Variants in POU6F2 observed in about 807,000 individuals in gnomAD.
POU6F2 encodes POU domain, class 6, transcription factor 2.
Under a neutral mutation model 71.3 loss-of-function variants are expected in POU6F2, and 31 were observed. That is an observed-to-expected ratio of 0.43 (90% CI 0.33 to 0.59). The LOEUF (loss-of-function observed/expected upper bound fraction) is 0.59, where lower values mean the gene tolerates loss of function less well. Among genes scored for constraint, POU6F2 ranks in the 20% least tolerant of loss-of-function variants. The pLI is 0.04. For missense variants in POU6F2, 783 were observed against 856.8 expected, an observed-to-expected ratio of 0.91 and a Z score of 1.07; for synonymous variants, 347 against 355.7, an observed-to-expected ratio of 0.98 and a Z score of 0.27.
intron 1 of POU6F2, among the ~76,000 whole-genome samples, chr7:38,994,649 G>A (rs1233496660): frequency 1.3e-5 from 2 of 152,082 alleles, no homozygotes; most frequent in African/African-American, 4.8e-5. Context: ...GAGTTGTGTG[G>A]TCAGAGAATC....
At chr7:39,210,903 A>G (rs930759077) in intron 4 of POU6F2, among the ~76,000 whole-genome samples, 6 of 152,192 alleles carry the variant, frequency 3.9e-5, no homozygotes, top group Non-Finnish European at 8.8e-5. Context: ...CATAAAAACC[A>G]TAGGTAGGGT....
At chr7:39,085,435 T>TTA (rs1791218051) in intron 1 of POU6F2, among the ~76,000 whole-genome samples, 2 of 152,146 alleles carry the variant, frequency 1.3e-5, no homozygotes, top group Admixed American at 1.3e-4. Flanking sequence ...TAGGGTGCTC[T>TTA]TCCTTTTTAG....
At chr7:39,252,885 A>T (rs532603987) in intron 4 of POU6F2, among the ~76,000 whole-genome samples, 1 of 152,136 alleles carries the variant, frequency 6.6e-6, no homozygotes, top group African/African-American at 2.4e-5. Context: ...TATTTTAGCT[A>T]TAGCTCTTAA....
intron 5 of POU6F2, among the ~76,000 whole-genome samples, chr7:39,340,900 C>T (rs1470331363): frequency 1.3e-5 from 2 of 152,202 alleles, no homozygotes; most frequent in Admixed American, 1.3e-4. Context: ...GCCATCCATT[C>T]TTTGACTTGC....
chr7:39,167,026 C>T (rs1489077376), intron 2 of POU6F2, among the ~76,000 whole-genome samples: 7 of 152,212 alleles, frequency 4.6e-5, no homozygotes, highest in African/African-American at 1.7e-4. Flanking sequence ...GACATCTTTC[C>T]TCACACCTCA....
chr7:39,027,370 G>A (rs761781587), intron 1 of POU6F2, among the ~76,000 whole-genome samples: 1 of 152,132 alleles, frequency 6.6e-6, no homozygotes, highest in Non-Finnish European at 1.5e-5. Context: ...ATGTTATGCG[G>A]TGCTTCTATA....
chr7:39,359,228 T>C (rs1449219098), intron 5 of POU6F2, among the ~76,000 whole-genome samples: 2 of 150,604 alleles, frequency 1.3e-5, no homozygotes, highest in African/African-American at 4.9e-5. Context: ...TGTTAGACAG[T>C]ATGTAAAGGA....
At chr7:39,336,813 G>A (rs1198364772) in intron 4 of POU6F2, among the ~76,000 whole-genome samples, 1 of 152,188 alleles carries the variant, frequency 6.6e-6, no homozygotes, top group Non-Finnish European at 1.5e-5. Context: ...GCTGACTAGA[G>A]TGCTTATAAT....
intron 2 of POU6F2, among the ~76,000 whole-genome samples, chr7:39,173,620 C>T (rs540934839): frequency 9.8e-5 from 15 of 152,344 alleles, no homozygotes; most frequent in African/African-American, 3.6e-4. Flanking sequence ...CTAATCACTG[C>T]TCTCATGCTC....
chr7:39,344,298 G>A (rs1785985454), intron 5 of POU6F2, among the ~76,000 whole-genome samples: 1 of 152,192 alleles, frequency 6.6e-6, no homozygotes, highest in Non-Finnish European at 1.5e-5. Flanking sequence ...CGGAGGTGAA[G>A]TTGCTTGAGA....
rs369616783 is a variant in POU6F2, at chr7:39,247,737, G to A, written c.598+40117G>A. Among the ~76,000 whole-genome samples, 8 of 152,276 alleles carry A rather than the reference G, an allele frequency of 5.3e-5. No individual in the cohort carries two copies. The East Asian group carries it at 1.2e-3, about 22-fold the overall frequency. On this transcript the variant is annotated intron_variant, in intron 4 of 9. Transcript: ENST00000518318. ...CATAAGAGACCATGAAGGAACTCCA[G>A]AAGTCACCCTATCCCCCAGGCTAGG...
intron 5 of POU6F2, among the ~76,000 whole-genome samples, chr7:39,366,524 CT>C (rs1330007338): frequency 2.0e-5 from 3 of 152,118 alleles, no homozygotes; most frequent in African/African-American, 7.2e-5. Context: ...AGCTTCTAAA[CT>C]GTGGTCTTCA....
chr7:39,368,419 C>T (rs919106085), intron 5 of POU6F2, among the ~76,000 whole-genome samples: 1 of 152,180 alleles, frequency 6.6e-6, no homozygotes, highest in Admixed American at 6.5e-5. Flanking sequence ...AAGTTGGAAG[C>T]TAGCAGAGGT....
chr7:39,073,901 C>A (rs1790941345), intron 1 of POU6F2, among the ~76,000 whole-genome samples: 1 of 152,240 alleles, frequency 6.6e-6, no homozygotes, highest in African/African-American at 2.4e-5. Context: ...GAGTTGTGAA[C>A]CTTGTAGAAT....
intron 1 of POU6F2, among the ~76,000 whole-genome samples, chr7:38,987,689 G>C (rs150156963): frequency 3.9e-5 from 6 of 152,256 alleles, no homozygotes; most frequent in African/African-American, 1.4e-4. Context: ...GTACATTATT[G>C]AAATATTCCA....
At chr7:39,354,387 CT>C (rs1340110956) in intron 5 of POU6F2, among the ~76,000 whole-genome samples, 1 of 152,100 alleles carries the variant, frequency 6.6e-6, no homozygotes, top group African/African-American at 2.4e-5. Context: ...AGGAAAAAAC[CT>C]TTAGAAAAAT....
intron 1 of POU6F2, among the ~76,000 whole-genome samples, chr7:39,006,186 G>A (rs976375835): frequency 3.9e-5 from 6 of 152,192 alleles, no homozygotes; most frequent in Admixed American, 2.6e-4. Context: ...CAGTTGGGCC[G>A]GGCGCGGTGG....
intron 2 of POU6F2, among the ~76,000 whole-genome samples, chr7:39,173,538 T>C (rs554890029): frequency 4.6e-5 from 7 of 152,352 alleles, no homozygotes; most frequent in African/African-American, 1.7e-4. Context: ...ACTTAACCAA[T>C]GACTTTCAGC....
chr7:39,217,789 T>C (rs569624644), intron 4 of POU6F2, among the ~76,000 whole-genome samples: 2 of 152,296 alleles, frequency 1.3e-5, no homozygotes, highest in Non-Finnish European at 2.9e-5. Flanking sequence ...TTTAGACTTT[T>C]TATTTAAAAT....
Sources: allele counts gnomAD v4.1 joint callset (sites outside exome capture counted in the v4.1 genomes callset), GRCh38; gene constraint gnomAD v4.1.1; transcripts MANE v1.5; gene names NCBI Gene and HGNC (gene_info 2026-07-23, HGNC 2026-07-21).